GPC5: variants seen among roughly 807,000 people sequenced by gnomAD.
The protein encoded by GPC5 is glypican-5.
A neutral mutation model predicts 53.9 loss-of-function variants in GPC5; 47 were observed. That is an observed-to-expected ratio of 0.87 (90% CI 0.69 to 1.11). The LOEUF (loss-of-function observed/expected upper bound fraction) is 1.11, where lower values mean the gene tolerates loss of function less well. Ranked by LOEUF, GPC5 falls within the 50% of genes most tolerant of loss-of-function variation. The pLI, the probability that GPC5 is intolerant of heterozygous loss-of-function variation, is 0.00. For missense variants in GPC5, 748 were observed against 713.1 expected, an observed-to-expected ratio of 1.05 and a Z score of -0.56; for synonymous variants, 286 against 263.3, an observed-to-expected ratio of 1.09 and a Z score of -0.84.
intron 7 of GPC5, among the ~76,000 whole-genome samples, chr13:92,741,308 A>C (rs1350223822): frequency 1.3e-5 from 2 of 151,736 alleles, no homozygotes; most frequent in Non-Finnish European, 2.9e-5. Flanking sequence ...TTTATAAGTC[A>C]AGGAAGAGAG....
chr13:91,752,234 GTATGTATGTATGTATGTATA>G (rs2037194366), intron 4 of GPC5, among the ~76,000 whole-genome samples: 2 of 152,040 alleles, frequency 1.3e-5, no homozygotes, highest in South Asian at 4.2e-4. Context: ...GTGTGGGTAT[GTATGTATGTATGTATGTATA>G]TATGTATGTA....
chr13:91,591,446 G>A (rs1396527463), intron 2 of GPC5, among the ~76,000 whole-genome samples: 1 of 152,092 alleles, frequency 6.6e-6, no homozygotes, highest in Non-Finnish European at 1.5e-5. Context: ...GTTTCTAGCC[G>A]GGGTTCTTGG....
chr13:92,162,301 C>T (rs865893275), intron 7 of GPC5, among the ~76,000 whole-genome samples: 10 of 152,028 alleles, frequency 6.6e-5, no homozygotes, highest in South Asian at 2.1e-4. Flanking sequence ...TTCATCCATC[C>T]ATTCATTTAT....
At chr13:91,838,102 C>T (rs1178854946) in intron 5 of GPC5, among the ~76,000 whole-genome samples, 5 of 152,046 alleles carry the variant, frequency 3.3e-5, no homozygotes, top group South Asian at 2.1e-4. Context: ...TTGTTGTTTC[C>T]GCAATTAGAA....
At chr13:92,367,085 G>A (rs955693449) in intron 7 of GPC5, among the ~76,000 whole-genome samples, 2 of 151,946 alleles carry the variant, frequency 1.3e-5, no homozygotes, top group African/African-American at 2.4e-5. Flanking sequence ...GTTACCACAC[G>A]TCAAAGTCTG....
intron 7 of GPC5, among the ~76,000 whole-genome samples, chr13:92,662,867 T>G (rs1340778585): frequency 6.6e-6 from 1 of 152,308 alleles, no homozygotes; most frequent in East Asian, 1.9e-4. Flanking sequence ...CTTCCTTCTC[T>G]TCCTTGCCCT....
At chr13:92,720,621 C>T (rs898784065) in intron 7 of GPC5, among the ~76,000 whole-genome samples, 3 of 151,812 alleles carry the variant, frequency 2.0e-5, no homozygotes, top group East Asian at 1.9e-4. Context: ...TGTTACATAA[C>T]GTACATAAAT....
intron 2 of GPC5, among the ~76,000 whole-genome samples, chr13:91,662,076 G>A (rs2035000755): frequency 6.6e-6 from 1 of 152,130 alleles, no homozygotes; most frequent in African/African-American, 2.4e-5. Flanking sequence ...AAAGCTATGA[G>A]ATTGGATGAG....
intron 7 of GPC5, among the ~76,000 whole-genome samples, chr13:92,214,867 A>G (rs2042399007): frequency 6.6e-6 from 1 of 152,194 alleles, no homozygotes; most frequent in South Asian, 2.1e-4. Flanking sequence ...CTCCATGAGA[A>G]AGTCTGAATT....
chr13:92,038,748 T>A (rs1239379466), intron 6 of GPC5, among the ~76,000 whole-genome samples: 1 of 152,016 alleles, frequency 6.6e-6, no homozygotes, highest in Non-Finnish European at 1.5e-5. Context: ...GTCTTTGGCA[T>A]ATATGTATTA....
At chr13:92,550,905 T>C (rs574795959) in intron 7 of GPC5, among the ~76,000 whole-genome samples, 2 of 152,042 alleles carry the variant, frequency 1.3e-5, no homozygotes, top group African/African-American at 2.4e-5. Context: ...GTTTGTTTAT[T>C]TTTAAGCTCA....
At chr13:92,654,475 C>A (rs545418224) in intron 7 of GPC5, among the ~76,000 whole-genome samples, 1 of 151,934 alleles carries the variant, frequency 6.6e-6, no homozygotes, top group Non-Finnish European at 1.5e-5. Flanking sequence ...AGGAGACTGC[C>A]TAGTGCTGAT....
At chr13:91,953,358 G>A (rs746959659) in intron 6 of GPC5, among the ~76,000 whole-genome samples, 17 of 152,122 alleles carry the variant, frequency 1.1e-4, no homozygotes, top group Non-Finnish European at 2.5e-4. Flanking sequence ...TGCCAGGAGA[G>A]TTTAGAAATT....
At chr13:92,682,108 A>C (rs1242501546) in intron 7 of GPC5, among the ~76,000 whole-genome samples, 1 of 152,212 alleles carries the variant, frequency 6.6e-6, no homozygotes, top group Non-Finnish European at 1.5e-5. Context: ...ATGAATGATG[A>C]GAAAGCAATG....
At chr13:92,102,999 C>G (rs757139324) in intron 6 of GPC5, among the ~76,000 whole-genome samples, 1 of 152,130 alleles carries the variant, frequency 6.6e-6, no homozygotes, top group Admixed American at 6.6e-5. Context: ...GCTGGGATGA[C>G]AGAAGTGTTA....
chr13:92,020,649 T>A (rs1001181082), intron 6 of GPC5, among the ~76,000 whole-genome samples: 1 of 151,262 alleles, frequency 6.6e-6, no homozygotes, highest in South Asian at 2.1e-4. Flanking sequence ...AAATGTGTGT[T>A]CAAATCCTTA....
intron 2 of GPC5, among the ~76,000 whole-genome samples, chr13:91,632,690 A>G (rs1394625299): frequency 6.6e-6 from 1 of 152,106 alleles, no homozygotes; most frequent in Non-Finnish European, 1.5e-5. Flanking sequence ...GAAAAGATAT[A>G]TTAGGGGCAT....
rs117002863 is a variant in GPC5, at chr13:91,797,983, G to C, written c.1280+41563G>C. ...TGTTGGGCGCAGAGTAAATAGGAAA[G>C]TACAGGTTAGGGAGATTATCTTGCT... On this transcript the variant is annotated intron_variant, in intron 5 of 7. Coordinates refer to ENST00000377067, the MANE Select transcript of GPC5 (RefSeq NM_004466.6). Among the ~76,000 whole-genome samples, 11 of 152,290 alleles carry C rather than the reference G, an allele frequency of 7.2e-5. No homozygotes were observed. In the East Asian group the frequency reaches 2.1e-3, roughly 29 times the overall value.
intron 7 of GPC5, among the ~76,000 whole-genome samples, chr13:92,342,103 A>G (rs1390347173): frequency 6.6e-6 from 1 of 152,024 alleles, no homozygotes; most frequent in African/African-American, 2.4e-5. Flanking sequence ...CCATCACCAC[A>G]CACTTCCAGT....
Sources: gnomAD v4.1 joint callset for allele counts (sites outside exome capture counted in the v4.1 genomes callset) on GRCh38, gnomAD v4.1.1 for gene constraint, MANE v1.5 for transcripts, NCBI Gene and HGNC (gene_info 2026-07-23, HGNC 2026-07-21) for gene names.